The following EDRF1 variants were observed in gnomAD, a reference collection of about 807,000 sequenced individuals.
EDRF1 encodes the protein erythroid differentiation-related factor 1.
Under a neutral mutation model 148.7 loss-of-function variants are expected in EDRF1, and 69 were observed. The observed-to-expected ratio is 0.46, with a 90% CI of 0.38 to 0.57. The LOEUF (loss-of-function observed/expected upper bound fraction) is 0.57. EDRF1 is among the 20% of genes least tolerant of loss of function. The probability of loss-of-function intolerance (pLI) is 0.00; values close to 1 mark genes in which losing one functional copy is unlikely to be tolerated. For missense variants in EDRF1, 1,118 were observed against 1,478.7 expected, an observed-to-expected ratio of 0.76 and a Z score of 4.00; for synonymous variants, 515 against 532.8, an observed-to-expected ratio of 0.97 and a Z score of 0.46.
intron 17 of EDRF1, chr10:125,742,663 A>G (rs2133725282): frequency 1.0e-6 from 1 of 985,248 alleles, no homozygotes; most frequent in East Asian, 1.1e-4. Context: ...GGGCTTCTGT[A>G]GCAGCCTCTT....
intron 12 of EDRF1, 142 bp downstream of exon 12, chr10:125,734,325 C>A: frequency 1.4e-6 from 1 of 707,780 alleles, no homozygotes. Flanking sequence ...GGCTGTTGAT[C>A]ACTTAAAATG....
chr10:125,760,655 C>CCCT (rs1283450248), intron 24 of EDRF1, among the ~76,000 whole-genome samples: 1 of 152,018 alleles, frequency 6.6e-6, no homozygotes, highest in Non-Finnish European at 1.5e-5. Flanking sequence ...GAGGAAAATA[C>CCCT]CCTCTGCCAC....
chr10:125,734,836 G>T (rs1564737866), intron 12 of EDRF1, among the ~76,000 whole-genome samples: 1 of 152,092 alleles, frequency 6.6e-6, no homozygotes, highest in African/African-American at 2.4e-5. Context: ...AAGGCTATTT[G>T]TTGTATCCTG....
chr10:125,745,594 G>A, intron 18 of EDRF1, 113 bp from the exon 19 acceptor site: 1 of 1,091,022 alleles, frequency 9.2e-7, no homozygotes, highest in Non-Finnish European at 1.4e-6. Flanking sequence ...CAGGTGACTG[G>A]CTCGCCACCA....
In EDRF1 at chr10:125,733,517, T is replaced by A; in HGVS notation, c.1242T>A (p.Cys414Ter). The A allele has an allele frequency of 6.3e-7, 1 of 1,599,874 alleles. No homozygotes were observed. Among genetic ancestry groups the A allele is most frequent in the South Asian group, 1.1e-5 (1 of 90,744 alleles). The change falls in exon 10 of 25, where the codon TGT becomes TGA. Residue 414 changes from cysteine (C) to a stop codon, truncating the protein, a stop_gained. Transcript: ENST00000356792. LOFTEE classifies it high-confidence loss of function. The part of the protein sequence containing the change: ...QNILSFLKSN[C>*]TKEGHTYWLF... The stretch of plus-strand genomic sequence containing the variant: ...TTTTATCATTTTTGAAATCTAATTG[T>A]ACCAAAGAAGGACATACCTATTGGC...
At chr10:125,722,301 A>G (rs2133660943) in intron 2 of EDRF1, among the ~76,000 whole-genome samples, 1 of 152,322 alleles carries the variant, frequency 6.6e-6, no homozygotes, top group Middle Eastern at 3.4e-3. Context: ...TGCTTATCTC[A>G]TTTAATTCTC....
In EDRF1 at chr10:125,729,078, T is replaced by C; in HGVS notation, c.868T>C (p.Leu290=). 1 of 1,574,122 alleles carries C rather than the reference T, an allele frequency of 6.4e-7. No homozygotes were observed. Among genetic ancestry groups the C allele is most frequent in the Non-Finnish European group, 8.6e-7 (1 of 1,167,162 alleles). The change falls in exon 7 of 25, where the codon TTA becomes CTA. Residue 290 remains leucine (L), a synonymous_variant. Coordinates refer to ENST00000356792, the MANE Select transcript of EDRF1 (RefSeq NM_001202438.2). ...SAPKEQNLIT[L]FNDGEHSQGL... ...CCCCAAAGAACAAAACCTGATTACT[T>C]TATTCAATGACGGGGAGCACAGTCA...
intron 17 of EDRF1, chr10:125,741,561 A>C (rs924728690): frequency 6.7e-6 from 2 of 297,724 alleles, no homozygotes; most frequent in African/African-American, 2.2e-5. Context: ...TTCATTTCCT[A>C]ATTTTAAGAT....
Position 125,737,918 on chromosome 10 carries a change from C to T in EDRF1, c.1759C>T (p.Pro587Ser). 5 of 1,613,662 alleles carry T rather than the reference C, an allele frequency of 3.1e-6. No individual in the cohort carries two copies. Among genetic ancestry groups the T allele is most frequent in the East Asian group, 2.2e-5 (1 of 44,856 alleles). Residue 587 changes from proline (P) to serine (S), a missense_variant and splice_region_variant, in exon 14 of 25, where the codon CCC (proline) becomes TCC (serine). Coordinates refer to ENST00000356792, the MANE Select transcript of EDRF1 (RefSeq NM_001202438.2). ...AATAATTTTATGTTTGTTCCTCAAG[C>T]CCAGTTGTGCATTTCCAGTTTGCCA... is the stretch of plus-strand genomic sequence containing the variant. ...EKYKSIHQIR[P>S]SCAFPVCHDT...
rs1307355590 is a variant in EDRF1 at position 125,753,699 on chromosome 10, G to A, written c.3399G>A (p.Lys1133=). 1 of 1,614,110 alleles carries A rather than the reference G, an allele frequency of 6.2e-7. No individual in the cohort carries two copies. The highest frequency in any genetic ancestry group is 2.2e-5 in the East Asian group (1 of 44,886). ...TAACTTTTTGTTGTTTTTAGCCTAA[G>A]AGTGGTGACGCCGCTGCAGCTGCTG... The part of the protein sequence containing the change: ...KELIEEFGQP[K]SGDAAAAADA... Residue 1133 remains lysine, a synonymous_variant, in exon 24 of 25, where the codon AAG becomes AAA. Transcript: ENST00000356792.
chr10:125,735,608 A>G (rs959543527), intron 12 of EDRF1, 36 bp from the exon 13 acceptor site: 1 of 1,600,950 alleles, frequency 6.2e-7, no homozygotes, highest in Non-Finnish European at 8.5e-7. Context: ...TTTTTTGATG[A>G]CAGTAATTTA....
intron 24 of EDRF1, among the ~76,000 whole-genome samples, chr10:125,762,042 G>A (rs1483506407): frequency 6.6e-6 from 1 of 152,188 alleles, no homozygotes; most frequent in African/African-American, 2.4e-5. Flanking sequence ...GGTTGTTGGG[G>A]GAAGGCAGGA....
Position 125,734,196 on chromosome 10 carries a change from T to C in EDRF1, c.1497+13T>C. The C allele has an allele frequency of 6.4e-7, 1 of 1,558,732 alleles. No individual in the cohort carries two copies. The highest frequency in any genetic ancestry group is 1.1e-5 in the South Asian group (1 of 89,828). ...TAGGCATCCTCAAGTAAGATTAACATTTATGTATTCTCTAAAACAATCCTA... is the reference window on the plus strand; with the variant it reads ...TAGGCATCCTCAAGTAAGATTAACACTTATGTATTCTCTAAAACAATCCTA... On this transcript the variant is annotated intron_variant, in intron 12 of 24. Coordinates refer to ENST00000356792, the MANE Select transcript of EDRF1 (RefSeq NM_001202438.2).
Position 125,735,618 on chromosome 10 carries a change from A to T in EDRF1, c.1498-26A>T, listed in dbSNP as rs768792366. 19 of 1,606,716 alleles carry T rather than the reference A, an allele frequency of 1.2e-5. No individual in the cohort carries two copies. The Admixed American group carries it at 3.0e-4, about 25-fold the overall frequency. ...ATGTATTTTTTGATGACAGTAATTT[A>T]CACATATTTCTCTCTTTTTCATAAG... is the stretch of plus-strand genomic sequence containing the variant. On this transcript the variant is annotated intron_variant, in intron 12 of 24. Coordinates refer to ENST00000356792, the MANE Select transcript of EDRF1 (RefSeq NM_001202438.2).
At chr10:125,760,808 C>T (rs1303137451) in intron 24 of EDRF1, among the ~76,000 whole-genome samples, 1 of 152,052 alleles carries the variant, frequency 6.6e-6, no homozygotes, top group African/African-American at 2.4e-5. Context: ...CAACCACAGA[C>T]TGAAAATATT....
chr10:125,746,331 T>C (rs2133738781), intron 19 of EDRF1, among the ~76,000 whole-genome samples: 1 of 152,190 alleles, frequency 6.6e-6, no homozygotes, highest in Non-Finnish European at 1.5e-5. Context: ...AACTCAAATG[T>C]GTAAAATTAA....
rs549640556 is a variant in EDRF1 at position 125,748,118 on chromosome 10, A to G, written c.3123+106A>G. 6.6e-6 allele frequency: 9 copies of G among 1,353,972 alleles called. No individual in the cohort carries two copies. The Admixed American group carries it at 1.2e-4, about 19-fold the overall frequency. The allele number at this position is 1,353,972 out of a possible 1,614,324, so 83.9% of individuals were successfully genotyped here. On this transcript the variant is annotated intron_variant, in intron 21 of 24. Coordinates refer to ENST00000356792, the MANE Select transcript of EDRF1 (RefSeq NM_001202438.2). ...TATATGTCTTCCTTGACGTCCACTC[A>G]GGTGAACTGCTGTCCTAAATTTTCT...
intron 24 of EDRF1, among the ~76,000 whole-genome samples, chr10:125,762,132 A>T (rs1850220640): frequency 6.6e-6 from 1 of 152,116 alleles, no homozygotes; most frequent in Non-Finnish European, 1.5e-5. Context: ...GTGGAGGAGG[A>T]ATGGAGCCAG....
chr10:125,730,891 C>T (rs566461379), intron 9 of EDRF1, among the ~76,000 whole-genome samples: 1 of 152,226 alleles, frequency 6.6e-6, no homozygotes, highest in South Asian at 2.1e-4. Context: ...TCCTGTAATC[C>T]CAAGCTACTC....
Sources: gnomAD v4.1 joint callset for allele counts (sites outside exome capture counted in the v4.1 genomes callset) on GRCh38, gnomAD v4.1.1 for gene constraint, MANE v1.5 for transcripts, NCBI Gene and HGNC (gene_info 2026-07-23, HGNC 2026-07-21) for gene names.